Variants in WAC observed in about 807,000 individuals in gnomAD.
The protein encoded by WAC is WW domain-containing adapter protein with coiled-coil.
Under a neutral mutation model 79.6 loss-of-function variants are expected in WAC, and 11 were observed. The observed-to-expected ratio is 0.14, with a 90% CI of 0.09 to 0.23. The LOEUF is 0.23. Among genes scored for constraint, WAC ranks in the 10% least tolerant of loss-of-function variants. The probability of loss-of-function intolerance (pLI) is 1.00; values close to 1 mark genes in which losing one functional copy is unlikely to be tolerated. For synonymous variants in WAC, 304 were observed against 276.9 expected, an observed-to-expected ratio of 1.10 and a Z score of -0.97; for missense variants, 728 against 773.5, an observed-to-expected ratio of 0.94 and a Z score of 0.70.
intron 9 of WAC, chr10:28,611,199 G>A (rs943745796): frequency 5.7e-5 from 67 of 1,173,344 alleles, no homozygotes; most frequent in Admixed American, 1.2e-4. Flanking sequence ...TCAGATTGAC[G>A]TTAGATGTTT....
intron 7 of WAC, among the ~76,000 whole-genome samples, chr10:28,600,720 G>A (rs555411996): frequency 1.3e-5 from 2 of 151,950 alleles, no homozygotes; most frequent in Non-Finnish European, 1.5e-5. Context: ...TAATAAATTT[G>A]ACCACATAGA....
chr10:28,614,576 C>G lies in WAC; in HGVS notation c.1447C>G (p.Pro483Ala). Residue 483 changes from proline to alanine, a missense_variant, in exon 11 of 14, where the codon CCA becomes GCA. By Grantham distance (27) the Pro-to-Ala change is conservative (BLOSUM62 -1). Transcript: ENST00000354911. ...GATTTTGACATTTCAGGTTAGTACT[C>G]CAGTAGTTAAGCAAGGACCAGTGTC... ...PVSSQPKVST[P>A]VVKQGPVSQS... 4 of 1,613,906 alleles carry G rather than the reference C, an allele frequency of 2.5e-6. No individual in the cohort carries two copies. Among genetic ancestry groups the G allele is most frequent in the Non-Finnish European group, 3.4e-6 (4 of 1,179,864 alleles).
At chr10:28,595,701 C>G (rs1840328489) in intron 6 of WAC, 32 bp from the exon 7 acceptor site, 1 of 1,593,422 alleles carries the variant, frequency 6.3e-7, no homozygotes, top group Non-Finnish European at 8.6e-7. Context: ...TCTGTCATTC[C>G]AACATCTGTT....
At chr10:28,607,840 T>C (rs1295946335) in intron 7 of WAC, among the ~76,000 whole-genome samples, 1 of 152,238 alleles carries the variant, frequency 6.6e-6, no homozygotes, top group Non-Finnish European at 1.5e-5. Flanking sequence ...TAATGGAAGC[T>C]TATTTGAATG....
chr10:28,593,144 G>A (rs921434629), intron 6 of WAC, among the ~76,000 whole-genome samples: 1 of 152,014 alleles, frequency 6.6e-6, no homozygotes, highest in African/African-American at 2.4e-5. Context: ...TTTTTTTTTA[G>A]TTTAGGTGAT....
intron 3 of WAC, among the ~76,000 whole-genome samples, chr10:28,554,894 A>G (rs1837896073): frequency 6.6e-6 from 1 of 151,920 alleles, no homozygotes; most frequent in African/African-American, 2.4e-5. Flanking sequence ...TGCCTAGTTA[A>G]TTCCTTATTT....
chr10:28,596,687 T>C (rs954681540), intron 7 of WAC, among the ~76,000 whole-genome samples: 20 of 152,300 alleles, frequency 1.3e-4, no homozygotes, highest in Admixed American at 6.5e-5. Flanking sequence ...GCATAGACCA[T>C]TCACAATCTG....
At chr10:28,555,542 G>C (rs1004663140) in intron 3 of WAC, among the ~76,000 whole-genome samples, 1 of 152,142 alleles carries the variant, frequency 6.6e-6, no homozygotes, top group African/African-American at 2.4e-5. Flanking sequence ...ATGAGCAAGT[G>C]GGAATTCATA....
intron 3 of WAC, among the ~76,000 whole-genome samples, chr10:28,539,846 A>C (rs922847422): frequency 6.6e-6 from 1 of 152,138 alleles, no homozygotes. Flanking sequence ...GGCGTGAGTC[A>C]CCGCGCCTGG....
chr10:28,538,682 G>C (rs912021603), intron 3 of WAC, among the ~76,000 whole-genome samples: 7 of 150,986 alleles, frequency 4.6e-5, no homozygotes, highest in Admixed American at 4.6e-4. Flanking sequence ...TTGAAGCCAG[G>C]AGTTTGAGAC....
rs1477055936 is a variant in WAC, at chr10:28,619,404, ATAAT to A, written c.1875-131_1875-128del. The A allele has an allele frequency of 1.1e-5, 7 of 657,790 alleles. No individual in the cohort carries two copies. In the African/African-American group the frequency reaches 1.2e-4, roughly 11 times the overall value. 40.7% of individuals were successfully genotyped at this position (657,790 alleles called of 1,614,324 possible). ...TAACTGTAAACCAATTTATAGTTAA[ATAAT>A]TTTTTAAATTTCTTTGCCTTAATTA... On this transcript the variant is annotated intron_variant, in intron 13 of 13. Transcript: ENST00000354911.
chr10:28,601,093 A>T (rs549759435), intron 7 of WAC, among the ~76,000 whole-genome samples: 1 of 152,262 alleles, frequency 6.6e-6, no homozygotes, highest in East Asian at 1.9e-4. Context: ...GGCACATTGG[A>T]CTTCGTCAGT....
chr10:28,576,450 A>G (rs932484366), intron 3 of WAC, among the ~76,000 whole-genome samples: 4 of 152,220 alleles, frequency 2.6e-5, no homozygotes, highest in African/African-American at 7.2e-5. Context: ...AGGCAGATGT[A>G]TTATATATAT....
chr10:28,588,837 A>G (rs1431463013), intron 4 of WAC: 1 of 152,174 alleles, frequency 6.6e-6, no homozygotes, highest in East Asian at 1.9e-4. Flanking sequence ...TTTGCATATC[A>G]TCTCATTTAT....
chr10:28,610,681 G>T lies in WAC; in HGVS notation c.1166-18G>T. Reference sequence around the variant, plus strand: ...GCCTCTTGTTTTTATATGAATGTATGAAATAATATGTTTTTAGTTCTTACA... The same window carrying T: ...GCCTCTTGTTTTTATATGAATGTATTAAATAATATGTTTTTAGTTCTTACA... On this transcript the variant is annotated intron_variant, in intron 8 of 13. Coordinates refer to ENST00000354911, the MANE Select transcript of WAC (RefSeq NM_016628.5). 1 of 1,597,270 alleles carries T rather than the reference G, an allele frequency of 6.3e-7. No homozygotes were observed. Among genetic ancestry groups the T allele is most frequent in the Non-Finnish European group, 8.5e-7 (1 of 1,175,182 alleles).
chr10:28,537,016 G>A (rs1211358948), intron 3 of WAC, among the ~76,000 whole-genome samples: 1 of 152,124 alleles, frequency 6.6e-6, no homozygotes, highest in African/African-American at 2.4e-5. Flanking sequence ...ATAGAAATCA[G>A]CTTTATTCAG....
At chr10:28,591,119 C>T (rs939459609) in intron 6 of WAC, 2 of 299,626 alleles carry the variant, frequency 6.7e-6, no homozygotes, top group Non-Finnish European at 1.3e-5. Flanking sequence ...CTGATCCCCC[C>T]AGACAGGAGC....
Position 28,533,608 on chromosome 10 carries a change from G to C in WAC, c.29G>C (p.Arg10Thr). Residue 10 changes from arginine (R) to threonine (T), a missense_variant, in exon 1 of 14, where the codon AGA becomes ACA. By Grantham distance (71) the Arg-to-Thr change is moderately conservative. Around this residue, in one of 3 missense-constraint regions of WAC, gnomAD observed 648 missense variants for 661.5 expected, o/e 0.98. Coordinates refer to ENST00000354911, the MANE Select transcript of WAC (RefSeq NM_016628.5). ...GTAATGTATGCGAGGAAACAGCAGA[G>C]ACTCAGTGATGGGTAAATTGTCTTT... is the stretch of plus-strand genomic sequence containing the variant. MVMYARKQQ[R>T]LSDGCHDRRG... 1 of 1,600,468 alleles carries C rather than the reference G, an allele frequency of 6.2e-7. No individual in the cohort carries two copies. The highest frequency in any genetic ancestry group is 8.5e-7 in the Non-Finnish European group (1 of 1,173,656).
chr10:28,581,340 ACCT>A (rs1181731769), intron 3 of WAC, among the ~76,000 whole-genome samples: 1 of 130,280 alleles, frequency 7.7e-6, no homozygotes, highest in Non-Finnish European at 1.6e-5. Context: ...CCCTGCCTCT[ACCT>A]CCTCAGTAGT....
Sources: allele counts gnomAD v4.1 joint callset (sites outside exome capture counted in the v4.1 genomes callset), GRCh38; gene constraint gnomAD v4.1.1; regional missense constraint gnomAD v4.1.1; transcripts MANE v1.5; gene names NCBI Gene and HGNC (gene_info 2026-07-23, HGNC 2026-07-21).